Variants in UMODL1 observed in about 807,000 individuals in gnomAD.
UMODL1 encodes the protein uromodulin like 1, also known as uromodulin-like 1.
In UMODL1, 128 loss-of-function variants were observed where a neutral mutation model predicts 136.3. That is an observed-to-expected ratio of 0.94 (90% CI 0.81 to 1.09). The LOEUF is 1.09. Ranked by LOEUF, UMODL1 falls within the 50% of genes least tolerant of loss-of-function variation. The pLI is 0.00. For synonymous variants in UMODL1, 721 were observed against 720.0 expected, an observed-to-expected ratio of 1.00 and a Z score of -0.02; for missense variants, 1,766 against 1,725.6, an observed-to-expected ratio of 1.02 and a Z score of -0.41.
chr21:42,134,761 C>T (rs201405132), intron 21 of UMODL1, among the ~76,000 whole-genome samples: 2 of 150,360 alleles, frequency 1.3e-5, no homozygotes, highest in Non-Finnish European at 3.0e-5. Flanking sequence ...ACTACAGGCG[C>T]GCACTACCAA....
At position 42,085,726 on chromosome 21, in the gene UMODL1, G is replaced by A. The variant is rs573277888; in HGVS notation, c.603+314G>A. On this transcript the variant is annotated intron_variant, in intron 4 of 22. Coordinates refer to ENST00000408910, the MANE Select transcript of UMODL1 (RefSeq NM_001004416.3). This position sits in a 1 kb window ranked among gnomAD's most constrained non-coding sequence, Gnocchi z 4.5. ...TGCAGGGGTCTGCAGTCCCAGCAAA[G>A]ACAGCCTAAGCCCCGAGCTCTTCCC... is the stretch of plus-strand genomic sequence containing the variant. Among the ~76,000 whole-genome samples, 30 of 152,292 alleles carry A rather than the reference G, an allele frequency of 2.0e-4. No homozygotes were observed. The highest frequency in any genetic ancestry group is 3.4e-3 in the Middle Eastern group (1 of 294).
rs1432649626 is a variant in UMODL1 at position 42,128,225 on chromosome 21, G to C, written c.3690+394G>C. On this transcript the variant is annotated intron_variant, in intron 20 of 22. Transcript: ENST00000408910. Reference sequence around the variant, plus strand: ...GAACATACTAAATATCAGACACTCTGTTATTTAATAAAGTTTTTTCCCCTT... The same window carrying C: ...GAACATACTAAATATCAGACACTCTCTTATTTAATAAAGTTTTTTCCCCTT... 2.4e-5 allele frequency: 7 copies of C among 297,572 alleles called. No individual in the cohort carries two copies. The Admixed American group carries it at 2.9e-4, about 12-fold the overall frequency. The allele number at this position is 297,572 out of a possible 1,614,324, so 18.4% of individuals were successfully genotyped here.
Position 42,102,215 on chromosome 21 carries a change from G to GGA in UMODL1, c.1239_1240dup (p.Lys414ArgfsTer39). The stretch of plus-strand genomic sequence containing the variant: ...TAAAGATTGTAAACCACAACCTGAC[G>GGA]GAGAAGTTACTCAACCGCAGCAGTG... On this transcript the variant is annotated frameshift_variant, in exon 8 of 23. Transcript: ENST00000408910. LOFTEE classifies it high-confidence loss of function. The GGA allele has an allele frequency of 6.2e-7, 1 of 1,613,822 alleles. No individual in the cohort carries two copies. Among genetic ancestry groups the GGA allele is most frequent in the Non-Finnish European group, 8.5e-7 (1 of 1,179,858 alleles).
intron 6 of UMODL1, among the ~76,000 whole-genome samples, chr21:42,091,467 G>C (rs2066491376): frequency 6.6e-6 from 1 of 152,192 alleles, no homozygotes. Flanking sequence ...AAGCAGCTTG[G>C]AAGAAGAAGT....
At chr21:42,076,478 C>T (rs898502368) in intron 2 of UMODL1, among the ~76,000 whole-genome samples, 3 of 152,174 alleles carry the variant, frequency 2.0e-5, no homozygotes, top group Non-Finnish European at 4.4e-5. Flanking sequence ...CTGACAAGTT[C>T]CTGGGTGACG....
rs928911299 is a variant in UMODL1, at chr21:42,123,750, G to A, written c.3147+600G>A. 6.6e-5 allele frequency among the ~76,000 whole-genome samples: 10 copies of A among 152,238 alleles called. No individual in the cohort carries two copies. The highest frequency in any genetic ancestry group is 3.4e-3 in the Middle Eastern group (1 of 294). On this transcript the variant is annotated intron_variant, in intron 17 of 22. Transcript: ENST00000408910. The surrounding 1 kb of genome is among the most constrained non-coding windows in gnomAD (Gnocchi z 4.4). Reference sequence around the variant, plus strand: ...TCTATGTGCATGTGTGCATGTGTGCGTGAGTTGAGCATGTGTGGATGCGTT... The same window carrying A: ...TCTATGTGCATGTGTGCATGTGTGCATGAGTTGAGCATGTGTGGATGCGTT...
rs552485201 is a variant in UMODL1, at chr21:42,102,086, G to T, written c.1187-80G>T. 1.7e-4 allele frequency: 185 copies of T among 1,090,798 alleles called. 7 individuals carry two copies. In the South Asian group the frequency reaches 2.6e-3, roughly 16 times the overall value. 67.6% of individuals were successfully genotyped at this position (1,090,798 alleles called of 1,614,324 possible). On this transcript the variant is annotated intron_variant, in intron 7 of 22. Transcript: ENST00000408910. The stretch of plus-strand genomic sequence containing the variant: ...TATTAAAAAAAATTATCCCGCCAAA[G>T]AGTAGGCTTCATGGAAAACATTAAC...
chr21:42,128,274 G>C (rs1304657255), intron 20 of UMODL1: 1 of 276,870 alleles, frequency 3.6e-6, no homozygotes, highest in East Asian at 1.1e-4. Context: ...AATCATGCAG[G>C]GATAATTTTA....
intron 9 of UMODL1, 50 bp from the exon 10 acceptor site, chr21:42,109,512 C>CA (rs2066784460): frequency 6.3e-7 from 1 of 1,596,480 alleles, no homozygotes; most frequent in Non-Finnish European, 8.5e-7. Flanking sequence ...GTCTTCTGAT[C>CA]ACTCTTTGGC....
At chr21:42,080,491 A>G (rs2146431020) in intron 2 of UMODL1, among the ~76,000 whole-genome samples, 1 of 152,260 alleles carries the variant, frequency 6.6e-6, no homozygotes, top group African/African-American at 2.4e-5. Context: ...CCCACTCAAT[A>G]ATGACTTATG....
In UMODL1 at chr21:42,122,014, G is replaced by A. The variant is rs1389164630; in HGVS notation, c.2827+790G>A. Reference sequence around the variant, plus strand: ...CAGAGAGCGAGAAGCAGGCTGCCCAGGGAGGCGGGTGAGGCAGCAGCCAAC... The same window carrying A: ...CAGAGAGCGAGAAGCAGGCTGCCCAAGGAGGCGGGTGAGGCAGCAGCCAAC... On this transcript the variant is annotated intron_variant, in intron 16 of 22. Transcript: ENST00000408910. The surrounding 1 kb of genome is among the most constrained non-coding windows in gnomAD (Gnocchi z 4.3). Among the ~76,000 whole-genome samples, 3 of 152,208 alleles carry A rather than the reference G, an allele frequency of 2.0e-5. No individual in the cohort carries two copies. The highest frequency in any genetic ancestry group is 7.2e-5 in the African/African-American group (3 of 41,434).
upstream of UMODL1, among the ~76,000 whole-genome samples, chr21:42,067,633 G>A (rs1190061540): frequency 6.6e-6 from 1 of 152,222 alleles, no homozygotes; most frequent in Non-Finnish European, 1.5e-5. Flanking sequence ...GCACGTGCGT[G>A]TCCACTGCCC....
intron 2 of UMODL1, among the ~76,000 whole-genome samples, chr21:42,080,002 T>C (rs781709053): frequency 6.6e-6 from 1 of 152,218 alleles, no homozygotes; most frequent in Non-Finnish European, 1.5e-5. Context: ...ACGAGGCTTC[T>C]GCAACTCCTG....
At chr21:42,101,382 A>C (rs2066630185) in intron 7 of UMODL1, among the ~76,000 whole-genome samples, 1 of 152,148 alleles carries the variant, frequency 6.6e-6, no homozygotes, top group Non-Finnish European at 1.5e-5. Flanking sequence ...GAAATATACA[A>C]TATATAACAT....
intron 7 of UMODL1, chr21:42,101,705 CAG>C: frequency 2.2e-6 from 1 of 456,608 alleles, no homozygotes; most frequent in Non-Finnish European, 4.4e-6. Flanking sequence ...TTTTGACTGG[CAG>C]AGTACGTTCT....
Position 42,109,480 on chromosome 21 carries a change from G to A in UMODL1, c.1520-82G>A, listed in dbSNP as rs898457182. On this transcript the variant is annotated intron_variant, in intron 9 of 22. Coordinates refer to ENST00000408910, the MANE Select transcript of UMODL1 (RefSeq NM_001004416.3). ...CGTTCACTGCAAAGACGGCTAGGAAGGACTCCTTCCAGCATGGGTCTGTCT... is the reference window on the plus strand; with the variant it reads ...CGTTCACTGCAAAGACGGCTAGGAAAGACTCCTTCCAGCATGGGTCTGTCT... The A allele has an allele frequency of 7.1e-5, 112 of 1,569,698 alleles. No homozygotes were observed. In the African/African-American group the frequency reaches 1.4e-3, roughly 20 times the overall value.
rs751776054 is a variant in UMODL1, at chr21:42,111,102, GA to G, written c.1884del (p.Gly629AlafsTer41). On this transcript the variant is annotated frameshift_variant, in exon 11 of 23. Coordinates refer to ENST00000408910, the MANE Select transcript of UMODL1 (RefSeq NM_001004416.3). LOFTEE classifies it high-confidence loss of function. Reference sequence around the variant, plus strand: ...GTCGGGTATGACAGGAACAACACAGGAAAAGGCGTGGAGCAGGAGGTGCCCA... The same window carrying G: ...GTCGGGTATGACAGGAACAACACAGGAAAGGCGTGGAGCAGGAGGTGCCCA... The part of the protein sequence containing the change: ...NVVGYDRNNT[G>X]KGVEQELQGN... 2 of 1,611,890 alleles carry G rather than the reference GA, an allele frequency of 1.2e-6. No individual in the cohort carries two copies. Among genetic ancestry groups the G allele is most frequent in the Admixed American group, 1.7e-5 (1 of 59,668 alleles).
upstream of UMODL1, chr21:42,071,179 C>G: frequency 1.1e-6 from 1 of 887,100 alleles, no homozygotes; most frequent in East Asian, 3.3e-5. Flanking sequence ...GAAGTCATTG[C>G]CACCTGCAGC....
At chr21:42,110,755 C>T (rs1226671732) in intron 10 of UMODL1, 125 bp from the exon 11 acceptor site, 16 of 951,968 alleles carry the variant, frequency 1.7e-5, no homozygotes, top group Middle Eastern at 2.3e-4. Context: ...CGCCCGCCTG[C>T]GTCCCTGGCC....
Sources: gnomAD v4.1 joint callset for allele counts (sites outside exome capture counted in the v4.1 genomes callset) on GRCh38, gnomAD v4.1.1 for gene constraint, Gnocchi (gnomAD v3.1) non-coding constraint, MANE v1.5 for transcripts, NCBI Gene and HGNC (gene_info 2026-07-23, HGNC 2026-07-21) for gene names.